Variants in UHRF2 observed in about 807,000 individuals in gnomAD.
UHRF2 encodes ubiquitin like with PHD and ring finger domains 2, also known as E3 ubiquitin-protein ligase UHRF2.
A neutral mutation model predicts 96.8 loss-of-function variants in UHRF2; 23 were observed. That is an observed-to-expected ratio of 0.24 (90% confidence interval 0.17 to 0.34). The LOEUF is 0.34. Among genes scored for constraint, UHRF2 ranks in the 10% least tolerant of loss-of-function variants. The pLI is 1.00. For missense variants in UHRF2, 685 were observed against 981.5 expected, an observed-to-expected ratio of 0.70 and a Z score of 4.04; for synonymous variants, 385 against 332.6, an observed-to-expected ratio of 1.16 and a Z score of -1.72.
chr9:6,481,080 A>G lies in UHRF2; in HGVS notation c.1161-563A>G, dbSNP rs141807496. On this transcript the variant is annotated intron_variant, in intron 6 of 15. Transcript: ENST00000276893. ...TTGCTTTTTAGAAAAGATTCAAGGC[A>G]GTTTACGAAATACAAGTTACAGTAG... Among the ~76,000 whole-genome samples the G allele has an allele frequency of 1.1e-3, 168 of 152,338 alleles. 1 individual carries two copies. Among genetic ancestry groups the G allele is most frequent in the African/African-American group, 3.8e-3 (159 of 41,582 alleles).
intron 2 of UHRF2, among the ~76,000 whole-genome samples, chr9:6,421,573 C>T (rs1342667858): frequency 5.9e-5 from 9 of 152,062 alleles, no homozygotes; most frequent in South Asian, 2.1e-4. Flanking sequence ...TGCACCACCA[C>T]GCCCGGCTAA....
intron 4 of UHRF2, among the ~76,000 whole-genome samples, chr9:6,462,215 G>C (rs201615487): frequency 1.3e-5 from 2 of 151,742 alleles, no homozygotes; most frequent in Non-Finnish European, 2.9e-5. Flanking sequence ...GGCTATTTTT[G>C]TGCTCCACAG....
chr9:6,491,784 C>T (rs1344639780), intron 9 of UHRF2, among the ~76,000 whole-genome samples: 1 of 152,238 alleles, frequency 6.6e-6, no homozygotes, highest in Non-Finnish European at 1.5e-5. Flanking sequence ...TATGTGAGCT[C>T]TTCCCAGGCA....
At chr9:6,420,307 G>A (rs764672361) in intron 1 of UHRF2, among the ~76,000 whole-genome samples, 9 of 151,570 alleles carry the variant, frequency 5.9e-5, no homozygotes, top group East Asian at 5.9e-4. Context: ...TGCTCTTTTC[G>A]GCCTCCCAAA....
rs140156631 is a variant in UHRF2, at chr9:6,434,687, C to G, written c.644+514C>G. Reference sequence around the variant, plus strand: ...CACCTGACCTCAAGTGATCTGCCCCCCTTGGCCTCCCAAAGTGCTGGGATT... The same window carrying G: ...CACCTGACCTCAAGTGATCTGCCCCGCTTGGCCTCCCAAAGTGCTGGGATT... On this transcript the variant is annotated intron_variant, in intron 3 of 15. Coordinates refer to ENST00000276893, the MANE Select transcript of UHRF2 (RefSeq NM_152896.3). 4.0e-3 allele frequency among the ~76,000 whole-genome samples: 609 copies of G among 152,268 alleles called. 2 individuals are homozygous for G. Among genetic ancestry groups the G allele is most frequent in the Non-Finnish European group, 6.7e-3 (458 of 68,022 alleles).
chr9:6,469,689 T>C (rs1823105021), intron 4 of UHRF2, among the ~76,000 whole-genome samples: 1 of 150,314 alleles, frequency 6.7e-6, no homozygotes, highest in Non-Finnish European at 1.5e-5. Flanking sequence ...TGTATATATA[T>C]ACACGTATAT....
chr9:6,495,762 C>G (rs1173061305), intron 10 of UHRF2: 1 of 152,152 alleles, frequency 6.6e-6, no homozygotes, highest in African/African-American at 2.4e-5. Context: ...GCCTAATTAT[C>G]TGAAGCCAGA....
At chr9:6,469,313 A>T (rs551989797) in intron 4 of UHRF2, among the ~76,000 whole-genome samples, 1 of 152,176 alleles carries the variant, frequency 6.6e-6, no homozygotes, top group Admixed American at 6.5e-5. Flanking sequence ...AGGTCAGGAG[A>T]TCAAGACTAT....
intron 2 of UHRF2, chr9:6,422,768 C>G (rs574943018): frequency 4.6e-6 from 2 of 432,258 alleles, no homozygotes; most frequent in African/African-American, 4.1e-5. Flanking sequence ...CCACCATGCC[C>G]GGCTAACTTA....
intron 6 of UHRF2, among the ~76,000 whole-genome samples, chr9:6,478,783 G>T (rs1286575355): frequency 6.6e-6 from 1 of 152,108 alleles, no homozygotes; most frequent in Non-Finnish European, 1.5e-5. Flanking sequence ...GAAGGCAATT[G>T]CTGTATTATG....
chr9:6,504,854 T>C (rs533561283), intron 15 of UHRF2, among the ~76,000 whole-genome samples, 163 bp downstream of exon 15: 12 of 152,368 alleles, frequency 7.9e-5, no homozygotes, highest in African/African-American at 2.6e-4. Context: ...ATGCATGTTT[T>C]AATTAGATAG....
chr9:6,459,339 A>G (rs1200092991), intron 3 of UHRF2, among the ~76,000 whole-genome samples: 2 of 152,224 alleles, frequency 1.3e-5, no homozygotes, highest in Non-Finnish European at 2.9e-5. Flanking sequence ...AACTTGTACA[A>G]AGATCAGAAA....
intron 3 of UHRF2, among the ~76,000 whole-genome samples, chr9:6,438,459 C>T (rs1260405936): frequency 2.6e-5 from 4 of 152,192 alleles, no homozygotes; most frequent in African/African-American, 4.8e-5. Context: ...TTATAGGTTA[C>T]CATCCCATTG....
intron 13 of UHRF2, 53 bp downstream of exon 13, chr9:6,499,984 G>C: frequency 7.1e-7 from 1 of 1,398,900 alleles, no homozygotes; most frequent in East Asian, 2.6e-5. Context: ...TGTTGTTGTT[G>C]TTGTTGAGAC....
At chr9:6,466,838 A>G (rs932201817) in intron 4 of UHRF2, among the ~76,000 whole-genome samples, 14 of 152,198 alleles carry the variant, frequency 9.2e-5, no homozygotes, top group East Asian at 3.8e-4. Flanking sequence ...ACAGATACTC[A>G]TTTGACTTAC....
intron 2 of UHRF2, among the ~76,000 whole-genome samples, chr9:6,433,237 T>C (rs1035744879): frequency 2.6e-5 from 4 of 152,216 alleles, no homozygotes; most frequent in Non-Finnish European, 4.4e-5. Context: ...CTCCTTCCTT[T>C]TGTCAGATTG....
intron 4 of UHRF2, among the ~76,000 whole-genome samples, chr9:6,464,326 G>C (rs1209430816): frequency 1.3e-5 from 2 of 152,130 alleles, no homozygotes; most frequent in African/African-American, 4.8e-5. Flanking sequence ...TCTAATTACG[G>C]AGACTAGACT....
At chr9:6,413,724 C>T in intron 1 of UHRF2, 81 bp downstream of exon 1, 1 of 1,340,308 alleles carries the variant, frequency 7.5e-7, no homozygotes, top group Non-Finnish European at 9.6e-7. Flanking sequence ...TCCGAGGGCT[C>T]TGTGCGCCGC....
chr9:6,424,464 T>C (rs1264199857), intron 2 of UHRF2, among the ~76,000 whole-genome samples: 4 of 152,210 alleles, frequency 2.6e-5, no homozygotes, highest in Admixed American at 1.3e-4. Context: ...ATACCAATAC[T>C]TAATACATTT....
Sources: gnomAD v4.1 joint callset for allele counts (sites outside exome capture counted in the v4.1 genomes callset) on GRCh38, gnomAD v4.1.1 for gene constraint, MANE v1.5 for transcripts, NCBI Gene and HGNC (gene_info 2026-07-23, HGNC 2026-07-21) for gene names.